The following MLC1 variants were observed in gnomAD, a reference collection of about 807,000 sequenced individuals.
MLC1 encodes membrane protein MLC1.
MLC1 carries 32 observed loss-of-function variants against 44.7 expected under a neutral mutation model. The ratio of observed to expected loss-of-function variants is 0.72; its 90% CI spans 0.54 to 0.96. The LOEUF (loss-of-function observed/expected upper bound fraction) is 0.96, where lower values mean the gene tolerates loss of function less well. Among genes scored for constraint, MLC1 ranks in the 40% least tolerant of loss-of-function variants. The pLI is 0.00. For synonymous variants in MLC1, 190 were observed against 213.0 expected (o/e 0.89, Z 0.94); for missense variants, 459 against 492.2 (o/e 0.93, Z 0.64).
chr22:50,063,892 ACT>A lies in MLC1; in HGVS notation c.1059+140_1059+141del. On this transcript the variant is annotated intron_variant, in intron 11 of 11. Transcript: ENST00000311597. ...CCAGCACCCCCTCCCCCTGCAGGCCACTCACCTCCCCGGCTGGGCACCCCTGT... is the reference window on the plus strand; with the variant it reads ...CCAGCACCCCCTCCCCCTGCAGGCCACACCTCCCCGGCTGGGCACCCCTGT... The A allele has an allele frequency of 2.5e-5, 14 of 553,048 alleles. 1 individual carries two copies. The highest frequency in any genetic ancestry group is 3.4e-5 in the Non-Finnish European group (14 of 410,440). The allele number at this position is 553,048 out of a possible 1,614,324, so 34.3% of individuals were successfully genotyped here.
chr22:50,078,483 G>A (rs1462147841), intron 5 of MLC1, among the ~76,000 whole-genome samples: 2 of 151,570 alleles, frequency 1.3e-5, no homozygotes, highest in Admixed American at 6.6e-5. Context: ...TCACGCCTGT[G>A]ATCCCAGCAC....
At chr22:50,080,275 C>T in intron 4 of MLC1, 69 bp downstream of exon 4, 1 of 1,521,116 alleles carries the variant, frequency 6.6e-7, no homozygotes, top group Non-Finnish European at 8.9e-7. Flanking sequence ...CACAAGCACA[C>T]ATGGGCACAC....
At chr22:50,075,072 G>A (rs1170722838) in intron 7 of MLC1, among the ~76,000 whole-genome samples, 1 of 152,138 alleles carries the variant, frequency 6.6e-6, no homozygotes, top group African/African-American at 2.4e-5. Flanking sequence ...CCTAAGCCCT[G>A]GTTGTGGACT....
chr22:50,075,183 G>A (rs951656184), intron 7 of MLC1, among the ~76,000 whole-genome samples: 4 of 149,108 alleles, frequency 2.7e-5, no homozygotes, highest in South Asian at 2.1e-4. Flanking sequence ...AACCAGCACC[G>A]CCAGACTCAG....
At chr22:50,064,314 G>A in intron 10 of MLC1, 116 bp from the exon 11 acceptor site, 2 of 1,293,854 alleles carry the variant, frequency 1.5e-6, no homozygotes, top group Non-Finnish European at 2.2e-6. Context: ...TCGAGTCGGA[G>A]CCCCAGTAAC....
intron 8 of MLC1, among the ~76,000 whole-genome samples, chr22:50,073,835 T>C (rs1463244667): frequency 6.6e-6 from 1 of 152,234 alleles, no homozygotes; most frequent in African/African-American, 2.4e-5. Context: ...TAACATTTAA[T>C]GTAAAGTAAT....
intron 11 of MLC1, 35 bp downstream of exon 11, chr22:50,063,999 C>T (rs1569241799): frequency 8.3e-6 from 13 of 1,567,472 alleles, no homozygotes; most frequent in Non-Finnish European, 1.1e-5. Flanking sequence ...GGCCACTCAC[C>T]TCCCCAGTGC....
intron 10 of MLC1, among the ~76,000 whole-genome samples, chr22:50,067,726 CATCCATCAGACAGTGACTCCATCCA>C (rs2061742918): frequency 9.2e-6 from 1 of 109,160 alleles, no homozygotes; most frequent in African/African-American, 3.2e-5. Flanking sequence ...TGACTCCATC[CATCCATCAGACAGTGACTCCATCCA>C]TCCATCAGAC....
At chr22:50,076,715 C>T in intron 7 of MLC1, 126 bp downstream of exon 7, 1 of 931,876 alleles carries the variant, frequency 1.1e-6, no homozygotes, top group East Asian at 2.5e-5. Flanking sequence ...AGATGAGGCG[C>T]ACGCCGCCAT....
Position 50,079,992 on chromosome 22 carries a change from A to C in MLC1, c.349T>G (p.Ser117Ala). 6.2e-7 allele frequency: 1 copy of C among 1,614,122 alleles called. No homozygotes were observed. Among genetic ancestry groups the C allele is most frequent in the Non-Finnish European group, 8.5e-7 (1 of 1,179,922 alleles). ...VIPNFQILFV[S>A]TFAVTTTCLI... ...CACGTAGTGGTCACAGCAAACGTGG[A>C]AACAAACAATATCTGAAAGTTGGGA... is the stretch of plus-strand genomic sequence containing the variant. The change falls in exon 5 of 12, where the codon TCC becomes GCC. Residue 117 changes from serine (S) to alanine (A), a missense_variant. Coordinates refer to ENST00000311597, the MANE Select transcript of MLC1 (RefSeq NM_015166.4).
Position 50,064,117 on chromosome 22 carries a change from A to G in MLC1, c.976T>C (p.Cys326Arg). The change falls in exon 11 of 12, where the codon TGC becomes CGC. Residue 326 changes from cysteine (C) to arginine (R), a missense_variant. Physicochemically the swap from Cys to Arg is radical, Grantham distance 180. Transcript: ENST00000311597. ...CTTGCACTGACCTTGAAGCGCACGC[A>G]CTGGATGGCGGTGCCCGTGTTGAGG... ...AGLNTGTAIQCVRFKVSARLQ... is the reference protein window; with the variant it reads ...AGLNTGTAIQRVRFKVSARLQ... 6.2e-7 allele frequency: 1 copy of G among 1,608,280 alleles called. No homozygotes were observed. The highest frequency in any genetic ancestry group is 8.5e-7 in the Non-Finnish European group (1 of 1,178,944).
At chr22:50,080,730 A>G (rs1376383076) in intron 3 of MLC1, among the ~76,000 whole-genome samples, 1 of 152,208 alleles carries the variant, frequency 6.6e-6, no homozygotes, top group Admixed American at 6.5e-5. Flanking sequence ...TTATTCTGAA[A>G]GAAGTTTTTA....
intron 10 of MLC1, among the ~76,000 whole-genome samples, chr22:50,065,636 T>C (rs1209085864): frequency 6.6e-6 from 1 of 152,166 alleles, no homozygotes; most frequent in African/African-American, 2.4e-5. Context: ...CTCACCCACA[T>C]TGAGACGGAG....
In MLC1 at chr22:50,083,065, C is replaced by A. The variant is rs754362648; in HGVS notation, c.267+19G>T. ...CGGCGAGCTTGGGCACTGGCAGAGGCGTGGAGGAAGCTGCTTACAGAGCCT... is the reference window on the plus strand; with the variant it reads ...CGGCGAGCTTGGGCACTGGCAGAGGAGTGGAGGAAGCTGCTTACAGAGCCT... On this transcript the variant is annotated intron_variant, in intron 3 of 11. Coordinates refer to ENST00000311597, the MANE Select transcript of MLC1 (RefSeq NM_015166.4). This position sits in a 1 kb window ranked among gnomAD's most constrained non-coding sequence, Gnocchi z 4.6. The A allele has an allele frequency of 1.2e-6, 2 of 1,611,998 alleles. No individual in the cohort carries two copies. Among genetic ancestry groups the A allele is most frequent in the Non-Finnish European group, 1.7e-6 (2 of 1,178,370 alleles).
Position 50,074,213 on chromosome 22 carries a change from C to T in MLC1, c.714+3G>A, listed in dbSNP as rs911696267. ...CGGCGGGCGGGCCAGAGGGGTTACT[C>T]ACGGCCACTAGGATCCAAAAGAACG... is the stretch of plus-strand genomic sequence containing the variant. On this transcript the variant is annotated splice_donor_region_variant and intron_variant, in intron 8 of 11. Transcript: ENST00000311597. 1.9e-6 allele frequency: 3 copies of T among 1,610,916 alleles called. No individual in the cohort carries two copies. The highest frequency in any genetic ancestry group is 1.7e-6 in the Non-Finnish European group (2 of 1,178,498).
intron 5 of MLC1, among the ~76,000 whole-genome samples, chr22:50,077,894 C>T (rs2062022954): frequency 6.6e-6 from 1 of 152,126 alleles, no homozygotes. Flanking sequence ...AATGAAACGA[C>T]TGCAGGCCCT....
chr22:50,061,166 C>A lies in MLC1; in HGVS notation c.*417G>T, dbSNP rs544822360. 5 of 291,954 alleles carry A rather than the reference C, an allele frequency of 1.7e-5. No individual in the cohort carries two copies. The highest frequency in any genetic ancestry group is 2.2e-5 in the African/African-American group (1 of 46,064). The allele number at this position is 291,954 out of a possible 1,614,324, so 18.1% of individuals were successfully genotyped here. On this transcript the variant is annotated 3_prime_UTR_variant, in exon 12 of 12. Coordinates refer to ENST00000311597, the MANE Select transcript of MLC1 (RefSeq NM_015166.4). ...AGACCCTAAGCGTGGAGGGAGGAAG[C>A]CCGGTCAGAGTGGGCAGGAGACGCA...
intron 7 of MLC1, among the ~76,000 whole-genome samples, chr22:50,075,729 A>G (rs1429141172): frequency 6.6e-6 from 1 of 152,016 alleles, no homozygotes; most frequent in Non-Finnish European, 1.5e-5. Flanking sequence ...AAAAAAAAAA[A>G]AGAAGCAGAA....
At chr22:50,080,526 A>G (rs2062096256) in intron 3 of MLC1, 129 bp from the exon 4 acceptor site, 1 of 1,033,882 alleles carries the variant, frequency 9.7e-7, no homozygotes, top group Non-Finnish European at 1.5e-6. Flanking sequence ...AGTCCATGCA[A>G]CACAGTGGGT....
Sources: gnomAD v4.1 joint callset for allele counts (sites outside exome capture counted in the v4.1 genomes callset) on GRCh38, gnomAD v4.1.1 for gene constraint, Gnocchi (gnomAD v3.1) non-coding constraint, MANE v1.5 for transcripts, NCBI Gene and HGNC (gene_info 2026-07-23, HGNC 2026-07-21) for gene names.